The following NRXN3 variants were observed in gnomAD, a reference collection of about 807,000 sequenced individuals.
NRXN3 encodes the protein neurexin 3.
NRXN3 carries 32 observed loss-of-function variants against 137.6 expected under a neutral mutation model. The observed-to-expected ratio is 0.23, with a 90% CI of 0.18 to 0.31. The LOEUF (loss-of-function observed/expected upper bound fraction) is 0.31, where lower values mean the gene tolerates loss of function less well. Among genes scored for constraint, NRXN3 ranks in the 10% least tolerant of loss-of-function variants. The pLI, the probability that NRXN3 is intolerant of heterozygous loss-of-function variation, is 1.00. For synonymous variants in NRXN3, 798 were observed against 784.5 expected, an observed-to-expected ratio of 1.02 and a Z score of -0.29; for missense variants, 1,574 against 2,062.5, an observed-to-expected ratio of 0.76 and a Z score of 4.59.
chr14:79,797,639 A>G (rs980550207), intron 19 of NRXN3, among the ~76,000 whole-genome samples: 2 of 152,172 alleles, frequency 1.3e-5, no homozygotes, highest in Non-Finnish European at 2.9e-5. Flanking sequence ...TCAGAATAAA[A>G]TAAGAGTATA....
At chr14:78,672,347 G>A (rs2097945063) in intron 6 of NRXN3, among the ~76,000 whole-genome samples, 2 of 152,200 alleles carry the variant, frequency 1.3e-5, no homozygotes, top group Admixed American at 6.5e-5. Context: ...TGCTATTTGA[G>A]GACCAACTGT....
chr14:78,476,877 C>T (rs936100953), intron 4 of NRXN3, among the ~76,000 whole-genome samples: 2 of 152,166 alleles, frequency 1.3e-5, no homozygotes, highest in African/African-American at 4.8e-5. Context: ...ATTTATCTTC[C>T]ATAACACCTT....
chr14:78,254,815 G>A (rs1045976656), intron 2 of NRXN3, among the ~76,000 whole-genome samples: 2 of 152,074 alleles, frequency 1.3e-5, no homozygotes, highest in African/African-American at 4.8e-5. Flanking sequence ...TCGCTAAAAG[G>A]CCTAGTAGTA....
chr14:78,465,147 C>A lies in NRXN3; in HGVS notation c.757+167287C>A, dbSNP rs145839628. On this transcript the variant is annotated intron_variant, in intron 4 of 20. Coordinates refer to ENST00000335750, the MANE Select transcript of NRXN3 (RefSeq NM_001330195.2). ...GTAAGACAATTGAATGAGTTTTGGGCAGGAGAAGATACTAGATGCATATCT... is the reference window on the plus strand; with the variant it reads ...GTAAGACAATTGAATGAGTTTTGGGAAGGAGAAGATACTAGATGCATATCT... Among the ~76,000 whole-genome samples, 1,098 of 151,712 alleles carry A rather than the reference C, an allele frequency of 7.2e-3. 10 individuals carry two copies. Among genetic ancestry groups the A allele is most frequent in the African/African-American group, 0.026 (1,066 of 41,346 alleles).
intron 10 of NRXN3, among the ~76,000 whole-genome samples, chr14:78,948,714 A>T (rs575212373): frequency 6.6e-6 from 1 of 150,516 alleles, no homozygotes; most frequent in Non-Finnish European, 1.5e-5. Flanking sequence ...CTTTAAAGAA[A>T]GCCCAGGTTA....
chr14:78,861,914 A>G (rs2099073421), intron 10 of NRXN3, among the ~76,000 whole-genome samples: 1 of 152,112 alleles, frequency 6.6e-6, no homozygotes. Context: ...AAGCCAGTAT[A>G]GGATATTTTA....
chr14:78,332,388 T>C (rs1361269203), intron 4 of NRXN3, among the ~76,000 whole-genome samples: 1 of 150,840 alleles, frequency 6.6e-6, no homozygotes, highest in African/African-American at 2.4e-5. Flanking sequence ...TGATCTCAGC[T>C]CACTGCAACC....
intron 4 of NRXN3, among the ~76,000 whole-genome samples, chr14:78,328,877 A>G (rs955783208): frequency 9.9e-5 from 15 of 152,190 alleles, no homozygotes; most frequent in African/African-American, 3.4e-4. Context: ...GCAAGGTACT[A>G]TCTTACAACT....
At chr14:79,761,784 G>A (rs971218618) in intron 19 of NRXN3, among the ~76,000 whole-genome samples, 10 of 150,724 alleles carry the variant, frequency 6.6e-5, no homozygotes, top group Non-Finnish European at 1.2e-4. Flanking sequence ...TTTTGATTAT[G>A]TGTATTAAGA....
At chr14:79,409,404 G>GTA (rs1180821203) in intron 15 of NRXN3, among the ~76,000 whole-genome samples, 5 of 150,250 alleles carry the variant, frequency 3.3e-5, no homozygotes, top group African/African-American at 4.9e-5. Context: ...TATACATTAT[G>GTA]TATATACATA....
At chr14:78,797,983 G>C (rs994733428) in intron 8 of NRXN3, among the ~76,000 whole-genome samples, 11 of 152,132 alleles carry the variant, frequency 7.2e-5, no homozygotes, top group African/African-American at 2.7e-4. Context: ...GGAATTATGA[G>C]AGCTACAACT....
chr14:79,191,990 C>T (rs1369512674), intron 15 of NRXN3, among the ~76,000 whole-genome samples: 1 of 151,922 alleles, frequency 6.6e-6, no homozygotes, highest in Non-Finnish European at 1.5e-5. Flanking sequence ...TTGCATTCTA[C>T]CATGTGGATA....
intron 15 of NRXN3, among the ~76,000 whole-genome samples, chr14:79,011,533 A>T (rs1010203731): frequency 2.0e-5 from 3 of 151,926 alleles, no homozygotes; most frequent in Non-Finnish European, 2.9e-5. Flanking sequence ...GATAACAAAG[A>T]TAATTAAACT....
At position 79,143,938 on chromosome 14, in the gene NRXN3, T is replaced by C. The variant is rs146780537; in HGVS notation, c.3262+155797T>C. On this transcript the variant is annotated intron_variant, in intron 15 of 20. Transcript: ENST00000335750. ...CCCCTTAAATATTACAGTCGTCCCATGCTTTCTGTGTTGAAAGAAAACAAA... is the reference window on the plus strand; with the variant it reads ...CCCCTTAAATATTACAGTCGTCCCACGCTTTCTGTGTTGAAAGAAAACAAA... Among the ~76,000 whole-genome samples the C allele has an allele frequency of 7.2e-5, 11 of 152,306 alleles. No individual in the cohort carries two copies. In the East Asian group the frequency reaches 2.1e-3, roughly 29 times the overall value.
chr14:79,777,624 T>A (rs1348640104), intron 19 of NRXN3, among the ~76,000 whole-genome samples: 5 of 152,114 alleles, frequency 3.3e-5, no homozygotes, highest in African/African-American at 9.7e-5. Flanking sequence ...GAATTTTTTT[T>A]ATCTATTTCT....
chr14:79,005,861 C>T (rs368523337), intron 15 of NRXN3, among the ~76,000 whole-genome samples: 1 of 151,844 alleles, frequency 6.6e-6, no homozygotes, highest in East Asian at 1.9e-4. Flanking sequence ...TCAAAAAAAA[C>T]GAGTGGGTTT....
chr14:78,752,781 G>T (rs35975741), intron 8 of NRXN3, among the ~76,000 whole-genome samples: 2,000 of 152,336 alleles, frequency 0.013, 27 homozygotes, highest in Middle Eastern at 0.027. Context: ...GAGAGATGGT[G>T]CTTGGCTGCA....
chr14:78,816,339 A>G (rs759700684), intron 10 of NRXN3, among the ~76,000 whole-genome samples: 3 of 152,178 alleles, frequency 2.0e-5, no homozygotes, highest in Non-Finnish European at 1.5e-5. Flanking sequence ...GGGGTAGCCT[A>G]TGAGTATACA....
intron 4 of NRXN3, among the ~76,000 whole-genome samples, chr14:78,298,972 G>T (rs1403963526): frequency 2.6e-5 from 4 of 152,192 alleles, no homozygotes; most frequent in East Asian, 3.9e-4. Context: ...CCCGAGGCTG[G>T]AAGAAGTTCG....
Sources: allele counts gnomAD v4.1 joint callset (sites outside exome capture counted in the v4.1 genomes callset), GRCh38; gene constraint gnomAD v4.1.1; transcripts MANE v1.5; gene names NCBI Gene and HGNC (gene_info 2026-07-23, HGNC 2026-07-21).